The following PCNX2 variants were observed in gnomAD, a reference collection of about 807,000 sequenced individuals.
The protein encoded by PCNX2 is pecanex-like protein 2.
A neutral mutation model predicts 223.8 loss-of-function variants in PCNX2; 168 were observed. The ratio of observed to expected loss-of-function variants is 0.75; its 90% CI spans 0.66 to 0.85. The LOEUF (loss-of-function observed/expected upper bound fraction) is 0.85, where lower values mean the gene tolerates loss of function less well. Ranked by LOEUF, PCNX2 falls within the 40% of genes least tolerant of loss-of-function variation. PCNX2 has a pLI of 0.00. For synonymous variants in PCNX2, 1,006 were observed against 1,052.6 expected (o/e 0.96, Z 0.86); for missense variants, 2,507 against 2,675.5 (o/e 0.94, Z 1.39).
intron 26 of PCNX2, among the ~76,000 whole-genome samples, chr1:233,022,067 C>T (rs183508962): frequency 3.9e-5 from 6 of 152,300 alleles, no homozygotes; most frequent in Admixed American, 6.5e-5. Context: ...CTCCCACTCA[C>T]GGTGATCTGC....
intron 15 of PCNX2, among the ~76,000 whole-genome samples, chr1:233,193,803 A>G (rs574099450): frequency 1.3e-5 from 2 of 152,178 alleles, no homozygotes; most frequent in Non-Finnish European, 2.9e-5. Flanking sequence ...CGGACTAGAC[A>G]CAGCAGGAGA....
chr1:233,009,354 T>C (rs543234620), intron 28 of PCNX2, among the ~76,000 whole-genome samples: 1 of 152,296 alleles, frequency 6.6e-6, no homozygotes, highest in East Asian at 1.9e-4. Flanking sequence ...CACATTTGAA[T>C]TGCAGAATCT....
intron 25 of PCNX2, among the ~76,000 whole-genome samples, chr1:233,030,868 C>G (rs146788718): frequency 6.6e-6 from 1 of 152,220 alleles, no homozygotes; most frequent in African/African-American, 2.4e-5. Context: ...CATCTAATCA[C>G]GAAAGGGGAT....
chr1:232,998,199 C>G, intron 32 of PCNX2, 52 bp downstream of exon 32: 2 of 1,449,212 alleles, frequency 1.4e-6, no homozygotes, highest in Middle Eastern at 2.1e-4. Context: ...GCATTGGTCA[C>G]TGGGACCAAA....
chr1:233,060,059 C>T (rs147739849), intron 23 of PCNX2, among the ~76,000 whole-genome samples: 8 of 152,236 alleles, frequency 5.3e-5, no homozygotes, highest in Admixed American at 1.3e-4. Context: ...TGTGATGCTA[C>T]GGATGGATTG....
intron 22 of PCNX2, among the ~76,000 whole-genome samples, chr1:233,093,663 CGG>C (rs1392767421): frequency 1.3e-5 from 2 of 151,640 alleles, no homozygotes; most frequent in East Asian, 3.9e-4. Flanking sequence ...TCCATGGGTA[CGG>C]GGGAGAGGGT....
At chr1:233,127,237 A>G (rs1468621081) in intron 21 of PCNX2, among the ~76,000 whole-genome samples, 1 of 152,050 alleles carries the variant, frequency 6.6e-6, no homozygotes, top group East Asian at 1.9e-4. Flanking sequence ...GTCCTTCGAG[A>G]TCCATCTCAT....
At chr1:233,313,804 TCTCA>T in the PCNX2 span, among the ~76,000 whole-genome samples, 1 of 152,108 alleles carries the variant, frequency 6.6e-6, no homozygotes, top group African/African-American at 2.4e-5. Flanking sequence ...AAATGTGCAA[TCTCA>T]CTCACAATAA....
At chr1:233,318,992 T>A in the PCNX2 span, among the ~76,000 whole-genome samples, 97 of 152,166 alleles carry the variant, frequency 6.4e-4, no homozygotes, top group Non-Finnish European at 1.2e-3. Flanking sequence ...CTGAATGTCC[T>A]GTGACCAGGA....
intron 10 of PCNX2, among the ~76,000 whole-genome samples, chr1:233,224,971 G>A (rs1021344253): frequency 3.3e-5 from 5 of 151,856 alleles, no homozygotes; most frequent in Non-Finnish European, 5.9e-5. Flanking sequence ...CAAGGGGAGG[G>A]AGAGCATCAG....
At chr1:233,129,229 A>G (rs550903352) in intron 21 of PCNX2, among the ~76,000 whole-genome samples, 1 of 152,328 alleles carries the variant, frequency 6.6e-6, no homozygotes, top group East Asian at 1.9e-4. Flanking sequence ...GGCCCCGGGC[A>G]GTGAGGGGCT....
chr1:233,133,345 C>T (rs537156234), intron 21 of PCNX2, among the ~76,000 whole-genome samples: 116 of 152,228 alleles, frequency 7.6e-4, no homozygotes, highest in African/African-American at 2.4e-3. Flanking sequence ...AGGAAAATAG[C>T]TTATGGAAGC....
At chr1:233,150,787 C>T (rs555213849) in intron 19 of PCNX2, among the ~76,000 whole-genome samples, 2 of 152,014 alleles carry the variant, frequency 1.3e-5, no homozygotes, top group African/African-American at 4.8e-5. Flanking sequence ...AAAATGTGTC[C>T]TTCACATTTC....
chr1:233,297,071 G>A (rs1662163343), upstream of PCNX2, among the ~76,000 whole-genome samples: 1 of 152,186 alleles, frequency 6.6e-6, no homozygotes, highest in Non-Finnish European at 1.5e-5. Flanking sequence ...GTAAACAAAT[G>A]GGCTTTTTTG....
At position 233,151,502 on chromosome 1, in the gene PCNX2, C is replaced by T. The variant is rs1197781990; in HGVS notation, c.3517+8781G>A. 2.6e-5 allele frequency among the ~76,000 whole-genome samples: 4 copies of T among 152,236 alleles called. No homozygotes were observed. In the East Asian group the frequency reaches 7.7e-4, roughly 29 times the overall value. ...CTTTTAGTGTTAGTTGTTTAAGTAT[C>T]CCTCCCACTACTGACCATTCATTTT... On this transcript the variant is annotated intron_variant, in intron 19 of 33. Transcript: ENST00000258229.
chr1:233,267,299 C>T (rs1285331533), intron 1 of PCNX2, among the ~76,000 whole-genome samples: 5 of 152,014 alleles, frequency 3.3e-5, no homozygotes, highest in African/African-American at 9.6e-5. Flanking sequence ...CTAGCCTGGG[C>T]GACAAGAGCG....
At chr1:233,004,430 A>G (rs1178661433) in intron 28 of PCNX2, among the ~76,000 whole-genome samples, 1 of 151,516 alleles carries the variant, frequency 6.6e-6, no homozygotes, top group African/African-American at 2.4e-5. Flanking sequence ...AACTCATCCT[A>G]CATTCCTAGG....
Position 233,295,420 on chromosome 1 carries a change from C to A in PCNX2, c.59G>T (p.Gly20Val). 1 of 1,552,254 alleles carries A rather than the reference C, an allele frequency of 6.4e-7. No homozygotes were observed. Among genetic ancestry groups the A allele is most frequent in the East Asian group, 2.4e-5 (1 of 40,964 alleles). ...RQGVWAALTG[G>V]WYHDPEQSKF... is the part of the protein sequence containing the mutation. ...GCTCTGCTCCGGGTCGTGGTACCAG[C>A]CCCCGGTGAGCGCGGCCCACACGCC... Residue 20 changes from glycine (G) to valine (V), a missense_variant, in exon 1 of 34, where the codon GGC becomes GTC. By Grantham distance (109) the Gly-to-Val change is moderately radical (BLOSUM62 -3). Around this residue, in one of 3 missense-constraint regions of PCNX2, gnomAD observed 1,031 missense variants for 1,021.7 expected, o/e 1.01. Transcript: ENST00000258229. The surrounding 1 kb of genome is among the most constrained non-coding windows in gnomAD (Gnocchi z 4.1).
chr1:233,058,872 CCAG>C (rs1233005146), intron 23 of PCNX2, among the ~76,000 whole-genome samples: 1 of 152,010 alleles, frequency 6.6e-6, no homozygotes, highest in Non-Finnish European at 1.5e-5. Flanking sequence ...ACCATGTTGA[CCAG>C]GATGGTCTCG....
Sources: allele counts gnomAD v4.1 joint callset (sites outside exome capture counted in the v4.1 genomes callset), GRCh38; gene constraint gnomAD v4.1.1; regional missense constraint gnomAD v4.1.1; non-coding constraint Gnocchi (gnomAD v3.1); transcripts MANE v1.5; gene names NCBI Gene and HGNC (gene_info 2026-07-23, HGNC 2026-07-21).